Variants in SDK1 observed in about 807,000 individuals in gnomAD.
SDK1 encodes protein sidekick-1.
A neutral mutation model predicts 245.5 loss-of-function variants in SDK1; 157 were observed. The ratio of observed to expected loss-of-function variants is 0.64; its 90% CI spans 0.56 to 0.73. SDK1 has a LOEUF of 0.73. SDK1 is among the 30% of genes least tolerant of loss of function. The pLI, the probability that SDK1 is intolerant of heterozygous loss-of-function variation, is 0.00. For synonymous variants in SDK1, 1,647 were observed against 1,278.5 expected (o/e 1.29, Z -6.15); for missense variants, 3,583 against 3,002.3 (o/e 1.19, Z -4.52).
chr7:3,487,647 C>T (rs552956858), intron 1 of SDK1, among the ~76,000 whole-genome samples: 8 of 147,008 alleles, frequency 5.4e-5, no homozygotes, highest in South Asian at 4.4e-4. Flanking sequence ...CCCAGCTATT[C>T]GGAAGACTGA....
At chr7:4,148,872 A>G (rs1032963555) in intron 29 of SDK1, among the ~76,000 whole-genome samples, 1 of 152,196 alleles carries the variant, frequency 6.6e-6, no homozygotes, top group Non-Finnish European at 1.5e-5. Flanking sequence ...CCTGGCCAAC[A>G]TGGTGAAACC....
intron 5 of SDK1, among the ~76,000 whole-genome samples, chr7:3,880,296 C>T (rs961125962): frequency 2.0e-5 from 3 of 152,182 alleles, no homozygotes; most frequent in Non-Finnish European, 2.9e-5. Flanking sequence ...GCAGACCAGC[C>T]GTACCCAGCA....
At chr7:4,138,950 C>T (rs936161708) in intron 28 of SDK1, among the ~76,000 whole-genome samples, 1 of 152,164 alleles carries the variant, frequency 6.6e-6, no homozygotes, top group Non-Finnish European at 1.5e-5. Context: ...CTGTGGCTGC[C>T]GGAGCCTGCT....
At chr7:4,231,221 T>C (rs527675632) in intron 40 of SDK1, among the ~76,000 whole-genome samples, 1 of 152,230 alleles carries the variant, frequency 6.6e-6, no homozygotes, top group South Asian at 2.1e-4. Context: ...ATTCTGACAT[T>C]ATTAGTGGTG....
chr7:4,083,725 A>C, intron 22 of SDK1, among the ~76,000 whole-genome samples: 2 of 88,642 alleles, frequency 2.3e-5, no homozygotes, highest in Non-Finnish European at 4.6e-5. Flanking sequence ...TCCCTTCTTT[A>C]CTTCCTCCAT....
chr7:4,235,002 G>A (rs193139326), intron 41 of SDK1, among the ~76,000 whole-genome samples: 1 of 152,284 alleles, frequency 6.6e-6, no homozygotes, highest in Admixed American at 6.5e-5. Flanking sequence ...TGTTGAAATT[G>A]AACTTAACCT....
chr7:4,197,289 C>G (rs374163135), intron 35 of SDK1, among the ~76,000 whole-genome samples: 1 of 149,194 alleles, frequency 6.7e-6, no homozygotes, highest in Admixed American at 6.7e-5. Flanking sequence ...GTAGCAAGAC[C>G]TCATCTCTGA....
chr7:3,347,506 T>C (rs930477297), intron 1 of SDK1, among the ~76,000 whole-genome samples: 4 of 152,188 alleles, frequency 2.6e-5, no homozygotes, highest in Non-Finnish European at 5.9e-5. Context: ...CCCTAGCCAT[T>C]GGGCTCAAAT....
rs527520620 is a variant in SDK1 at position 3,906,442 on chromosome 7, A to G, written c.848-44481A>G. Reference sequence around the variant, plus strand: ...AGAGAGCGCGCGAGTGCAGGAGCTCATCTTCATTAATTGTTACATTCATGG... The same window carrying G: ...AGAGAGCGCGCGAGTGCAGGAGCTCGTCTTCATTAATTGTTACATTCATGG... On this transcript the variant is annotated intron_variant, in intron 5 of 44. Transcript: ENST00000404826. 3.9e-5 allele frequency among the ~76,000 whole-genome samples: 6 copies of G among 152,046 alleles called. No homozygotes were observed. In the South Asian group the frequency reaches 6.2e-4, roughly 16 times the overall value.
chr7:3,735,624 C>T (rs1050984063), intron 4 of SDK1, among the ~76,000 whole-genome samples: 5 of 152,142 alleles, frequency 3.3e-5, no homozygotes, highest in African/African-American at 9.7e-5. Context: ...CCGTTATGAA[C>T]GTGGGTGTAC....
chr7:4,136,449 G>C (rs559000209), intron 28 of SDK1, among the ~76,000 whole-genome samples: 2 of 152,160 alleles, frequency 1.3e-5, no homozygotes, highest in East Asian at 1.9e-4. Context: ...TCTGCCGCCC[G>C]AGCTTTTGTA....
At chr7:3,308,244 G>T (rs1017047972) in intron 1 of SDK1, among the ~76,000 whole-genome samples, 3 of 152,106 alleles carry the variant, frequency 2.0e-5, no homozygotes, top group Admixed American at 2.0e-4. Context: ...TAACAAATCT[G>T]GAGGTAATTA....
intron 40 of SDK1, among the ~76,000 whole-genome samples, chr7:4,228,162 A>C (rs1468346387): frequency 6.6e-6 from 1 of 152,050 alleles, no homozygotes; most frequent in Non-Finnish European, 1.5e-5. Context: ...ACAGGATTGG[A>C]GGTTGTGGTG....
intron 1 of SDK1, among the ~76,000 whole-genome samples, chr7:3,443,826 T>C (rs929549696): frequency 6.6e-6 from 1 of 152,230 alleles, no homozygotes. Context: ...GCTAGTGATA[T>C]CACCATTGGA....
intron 1 of SDK1, among the ~76,000 whole-genome samples, chr7:3,569,670 C>T (rs1780046407): frequency 6.6e-6 from 1 of 152,220 alleles, no homozygotes; most frequent in African/African-American, 2.4e-5. Context: ...CAGGAAGTGG[C>T]AGCCATGACT....
chr7:3,675,070 A>G (rs151311359), intron 4 of SDK1, among the ~76,000 whole-genome samples: 1 of 152,168 alleles, frequency 6.6e-6, no homozygotes, highest in Non-Finnish European at 1.5e-5. Flanking sequence ...AAACCTTCTC[A>G]TGCCCGTGAG....
intron 14 of SDK1, among the ~76,000 whole-genome samples, chr7:4,003,070 C>G (rs1418130091): frequency 1.3e-5 from 2 of 152,264 alleles, no homozygotes; most frequent in Non-Finnish European, 2.9e-5. Flanking sequence ...ACAGCTCATT[C>G]TCCAGGCTCT....
At chr7:3,625,411 T>C (rs1212325511) in intron 2 of SDK1, among the ~76,000 whole-genome samples, 2 of 152,246 alleles carry the variant, frequency 1.3e-5, no homozygotes, top group African/African-American at 2.4e-5. Flanking sequence ...GTTCTGTCTC[T>C]AATAACTTGG....
intron 5 of SDK1, among the ~76,000 whole-genome samples, chr7:3,840,103 C>T (rs1780120410): frequency 6.6e-6 from 1 of 152,102 alleles, no homozygotes; most frequent in South Asian, 2.1e-4. Flanking sequence ...AATTAAAACA[C>T]TTAAATGTAA....
Sources: allele counts gnomAD v4.1 joint callset (sites outside exome capture counted in the v4.1 genomes callset), GRCh38; gene constraint gnomAD v4.1.1; transcripts MANE v1.5; gene names NCBI Gene and HGNC (gene_info 2026-07-23, HGNC 2026-07-21).